Variants in OTOGL observed in about 807,000 individuals in gnomAD.
The protein encoded by OTOGL is otogelin-like protein.
Under a neutral mutation model 318.5 loss-of-function variants are expected in OTOGL, and 285 were observed. The observed-to-expected ratio is 0.89, with a 90% CI of 0.81 to 0.99. The LOEUF is 0.99. Among genes scored for constraint, OTOGL ranks in the 50% least tolerant of loss-of-function variants. OTOGL has a pLI of 0.00. For missense variants in OTOGL, 2,899 were observed against 2,845.6 expected, an observed-to-expected ratio of 1.02 and a Z score of -0.43; for synonymous variants, 987 against 936.5, an observed-to-expected ratio of 1.05 and a Z score of -0.99.
intron 27 of OTOGL, among the ~76,000 whole-genome samples, chr12:80,302,039 T>C (rs926147794): frequency 1.3e-5 from 2 of 148,930 alleles, no homozygotes; most frequent in African/African-American, 5.1e-5. Flanking sequence ...CAGCATACAA[T>C]TTTTTTTTTC....
chr12:80,136,160 A>C lies in OTOGL; in HGVS notation c.-20+36555A>C, dbSNP rs1011119168. Among the ~76,000 whole-genome samples, 14 of 152,180 alleles carry C rather than the reference A, an allele frequency of 9.2e-5. No individual in the cohort carries two copies. The East Asian group carries it at 9.7e-4, about 10-fold the overall frequency. ...TTCTGGACTTGCTTTTTTTGTGGAA[A>C]TGTCTGTACTCACTATCTTCAATTT... On this transcript the variant is annotated intron_variant, in intron 1 of 58. Coordinates refer to ENST00000547103, the MANE Select transcript of OTOGL (RefSeq NM_001378609.3).
At chr12:80,210,810 T>A in intron 2 of OTOGL, 37 bp from the exon 3 acceptor site, 1 of 1,333,366 alleles carries the variant, frequency 7.5e-7, no homozygotes, top group Non-Finnish European at 1.0e-6. Flanking sequence ...TATATTTGGA[T>A]AATTTTTTTT....
At chr12:80,264,818 T>C (rs1157642816) in intron 19 of OTOGL, among the ~76,000 whole-genome samples, 183 bp from the exon 20 acceptor site, 4 of 152,118 alleles carry the variant, frequency 2.6e-5, no homozygotes, top group African/African-American at 9.7e-5. Flanking sequence ...GTCTGTTGAA[T>C]GTGGATTAAG....
intron 11 of OTOGL, among the ~76,000 whole-genome samples, chr12:80,241,953 A>T (rs570879743): frequency 6.6e-6 from 1 of 152,080 alleles, no homozygotes; most frequent in African/African-American, 2.4e-5. Flanking sequence ...GAGAAAAAAA[A>T]CCAAAAGGAC....
intron 1 of OTOGL, among the ~76,000 whole-genome samples, chr12:80,141,461 G>A (rs1871941210): frequency 6.6e-6 from 1 of 152,168 alleles, no homozygotes; most frequent in Non-Finnish European, 1.5e-5. Flanking sequence ...TGTCCAGGAG[G>A]AGGATGCTGC....
chr12:80,257,359 G>C (rs548563923), intron 17 of OTOGL, among the ~76,000 whole-genome samples: 1 of 151,094 alleles, frequency 6.6e-6, no homozygotes, highest in African/African-American at 2.4e-5. Flanking sequence ...GTGACTTTGA[G>C]AGTTGCTAGA....
In OTOGL at chr12:80,252,298, A is replaced by T. The variant is rs1389607914; in HGVS notation, c.1285+97A>T. 1.0e-5 allele frequency: 13 copies of T among 1,258,336 alleles called. No homozygotes were observed. The African/African-American group carries it at 1.9e-4, about 18-fold the overall frequency. 77.9% of individuals were successfully genotyped at this position (1,258,336 alleles called of 1,614,324 possible). A position where few individuals can be genotyped will look rare whatever the true frequency, so the allele number is the denominator to read the frequency against. On this transcript the variant is annotated intron_variant, in intron 13 of 58. Transcript: ENST00000547103. ...TCGTTTTGCTGTCCTTTCCCAGTAC[A>T]TTGGACCTATTGCAATTTTCTGTTC...
intron 1 of OTOGL, among the ~76,000 whole-genome samples, chr12:80,169,847 A>G (rs1253647521): frequency 6.6e-6 from 1 of 152,228 alleles, no homozygotes; most frequent in Non-Finnish European, 1.5e-5. Context: ...TCGATAGTTC[A>G]TTCCTTGTAA....
At chr12:80,244,236 T>C (rs1315164716) in intron 11 of OTOGL, among the ~76,000 whole-genome samples, 1 of 151,348 alleles carries the variant, frequency 6.6e-6, no homozygotes, top group Non-Finnish European at 1.5e-5. Flanking sequence ...TAGTTACATA[T>C]GTATACATGT....
intron 1 of OTOGL, among the ~76,000 whole-genome samples, chr12:80,195,081 A>C (rs1300918780): frequency 6.6e-6 from 1 of 152,188 alleles, no homozygotes; most frequent in African/African-American, 2.4e-5. Flanking sequence ...CTCAGAATAC[A>C]ATTTTTAAAA....
intron 1 of OTOGL, among the ~76,000 whole-genome samples, chr12:80,135,333 C>T (rs999451665): frequency 1.4e-5 from 2 of 139,758 alleles, no homozygotes; most frequent in Non-Finnish European, 3.0e-5. Flanking sequence ...AGTGCAGTGG[C>T]ATGATCTCAG....
At chr12:80,149,738 C>T (rs1270586840) in intron 1 of OTOGL, among the ~76,000 whole-genome samples, 2 of 152,216 alleles carry the variant, frequency 1.3e-5, no homozygotes. Flanking sequence ...GGCGTAGGAC[C>T]CTCCAAGCCA....
chr12:80,156,779 C>CT (rs1453829529), intron 1 of OTOGL, among the ~76,000 whole-genome samples: 9 of 152,228 alleles, frequency 5.9e-5, no homozygotes, highest in East Asian at 3.9e-4. Flanking sequence ...CAATAAACCT[C>CT]TTTTTTTCTG....
At chr12:80,318,449 T>G (rs1189605739) in intron 32 of OTOGL, 97 bp from the exon 33 acceptor site, 15 of 851,912 alleles carry the variant, frequency 1.8e-5, no homozygotes, top group African/African-American at 3.5e-5. Context: ...TGCTCAATTT[T>G]TGAAGTATTT....
chr12:80,308,613 G>C (rs1477485113), intron 29 of OTOGL, among the ~76,000 whole-genome samples: 1 of 152,180 alleles, frequency 6.6e-6, no homozygotes, highest in Non-Finnish European at 1.5e-5. Flanking sequence ...GGCCAAGGCA[G>C]GCTGCTGGGA....
chr12:80,231,988 G>A (rs545328136), intron 8 of OTOGL, among the ~76,000 whole-genome samples: 7 of 151,800 alleles, frequency 4.6e-5, no homozygotes, highest in African/African-American at 1.7e-4. Flanking sequence ...GTAATTATTA[G>A]TACTTACTCT....
intron 24 of OTOGL, among the ~76,000 whole-genome samples, chr12:80,273,247 T>C (rs1434414842): frequency 6.6e-6 from 1 of 152,098 alleles, no homozygotes; most frequent in African/African-American, 2.4e-5. Flanking sequence ...GATAGCCTTC[T>C]CCTACAATAT....
intron 1 of OTOGL, among the ~76,000 whole-genome samples, chr12:80,182,474 A>G (rs1439238459): frequency 6.6e-6 from 1 of 152,202 alleles, no homozygotes; most frequent in Non-Finnish European, 1.5e-5. Flanking sequence ...TAAACCAAGG[A>G]GCTCCTGGCT....
chr12:80,176,514 T>C (rs1874538787), intron 1 of OTOGL, among the ~76,000 whole-genome samples: 1 of 152,202 alleles, frequency 6.6e-6, no homozygotes, highest in Non-Finnish European at 1.5e-5. Flanking sequence ...CAGTGTGTTC[T>C]CTTTTTTGTC....
Sources: gnomAD v4.1 joint callset for allele counts (sites outside exome capture counted in the v4.1 genomes callset) on GRCh38, gnomAD v4.1.1 for gene constraint, MANE v1.5 for transcripts, NCBI Gene and HGNC (gene_info 2026-07-23, HGNC 2026-07-21) for gene names.